ERC2: variants seen among roughly 807,000 people sequenced by gnomAD.
The protein encoded by ERC2 is ERC protein 2.
ERC2 carries 42 observed loss-of-function variants against 114.8 expected under a neutral mutation model. The ratio of observed to expected loss-of-function variants is 0.37; its 90% CI spans 0.29 to 0.47. ERC2 has a LOEUF of 0.47. Ranked by LOEUF, ERC2 falls within the 20% of genes least tolerant of loss-of-function variation. The pLI is 0.99. For missense variants in ERC2, 939 were observed against 1,150.7 expected (o/e 0.82, Z 2.66); for synonymous variants, 454 against 425.5 (o/e 1.07, Z -0.82).
Position 55,539,408 on chromosome 3 carries a change from T to C in ERC2, c.*40-28132A>G, listed in dbSNP as rs572772839. ...TTTTCTTTCTCTCTCTCTCTCTTTT[T>C]TTCTTTCTTTTTTTTTTTTTTTTTT... On this transcript the variant is annotated intron_variant, in intron 17 of 17. Transcript: ENST00000288221. Among the ~76,000 whole-genome samples, 8 of 129,346 alleles carry C rather than the reference T, an allele frequency of 6.2e-5. No individual in the cohort carries two copies. The East Asian group carries it at 1.4e-3, about 22-fold the overall frequency. 84.9% of individuals were successfully genotyped at this position (129,346 alleles called of 152,430 possible).
At chr3:55,775,588 G>A (rs2068542016) in intron 14 of ERC2, among the ~76,000 whole-genome samples, 2 of 119,966 alleles carry the variant, frequency 1.7e-5, no homozygotes, top group Non-Finnish European at 1.9e-5. Flanking sequence ...AAATAAAAAA[G>A]GAAAAAGTGA....
chr3:55,572,592 C>A (rs1434552365), intron 17 of ERC2, among the ~76,000 whole-genome samples: 2 of 152,204 alleles, frequency 1.3e-5, no homozygotes, highest in African/African-American at 4.8e-5. Flanking sequence ...TTCTTGACAG[C>A]CAAGTCTCAC....
chr3:55,960,959 AC>A (rs2068317929), intron 12 of ERC2, among the ~76,000 whole-genome samples: 1 of 152,068 alleles, frequency 6.6e-6, no homozygotes, highest in Non-Finnish European at 1.5e-5. Context: ...ACATGGCAAA[AC>A]CCCGTCTCTA....
chr3:55,902,796 C>T (rs2064209407), intron 13 of ERC2, among the ~76,000 whole-genome samples: 1 of 152,200 alleles, frequency 6.6e-6, no homozygotes, highest in Non-Finnish European at 1.5e-5. Context: ...CTCTGCTTCT[C>T]ACCTGGCTCC....
At chr3:56,164,617 G>A (rs2082229892) in intron 4 of ERC2, among the ~76,000 whole-genome samples, 1 of 152,030 alleles carries the variant, frequency 6.6e-6, no homozygotes, top group African/African-American at 2.4e-5. Context: ...ACCTACAAGT[G>A]AAATTTCTAG....
chr3:56,406,019 A>AGTGGCT (rs2060711604), intron 2 of ERC2, among the ~76,000 whole-genome samples: 4 of 146,372 alleles, frequency 2.7e-5, no homozygotes, highest in Non-Finnish European at 5.9e-5. Context: ...CAGCCACCCT[A>AGTGGCT]GTGGCTGAGA....
intron 3 of ERC2, among the ~76,000 whole-genome samples, chr3:56,250,909 G>A (rs547016683): frequency 1.3e-5 from 2 of 152,226 alleles, no homozygotes; most frequent in African/African-American, 4.8e-5. Flanking sequence ...TGATGAACCC[G>A]CAAACCAGCA....
At chr3:55,980,878 G>A (rs1293579127) in intron 12 of ERC2, among the ~76,000 whole-genome samples, 1 of 152,168 alleles carries the variant, frequency 6.6e-6, no homozygotes, top group African/African-American at 2.4e-5. Flanking sequence ...AGGAATCTCA[G>A]ACACACACTG....
intron 14 of ERC2, among the ~76,000 whole-genome samples, chr3:55,817,809 A>G (rs2059962910): frequency 6.6e-6 from 1 of 152,222 alleles, no homozygotes; most frequent in African/African-American, 2.4e-5. Context: ...TCTGAACAAT[A>G]TCTGGAACAC....
At chr3:56,123,348 C>A (rs1048437711) in intron 6 of ERC2, among the ~76,000 whole-genome samples, 4 of 151,960 alleles carry the variant, frequency 2.6e-5, no homozygotes, top group African/African-American at 7.3e-5. Flanking sequence ...GAGGACACAG[C>A]AAGAAGGTGC....
chr3:56,438,604 T>C (rs1238491025), intron 1 of ERC2, among the ~76,000 whole-genome samples: 2 of 152,240 alleles, frequency 1.3e-5, no homozygotes, highest in Non-Finnish European at 2.9e-5. Flanking sequence ...AACAGTTAAA[T>C]GAATGTATCT....
intron 17 of ERC2, among the ~76,000 whole-genome samples, chr3:55,675,903 C>CTTTTTTTTTT (rs869296098): frequency 0.014 from 672 of 47,998 alleles, 113 homozygotes; most frequent in East Asian, 0.017. Flanking sequence ...TCTTTTCTTT[C>CTTTTTTTTTT]TTTTTTTTTT....
At chr3:55,833,420 A>T (rs1389812176) in intron 14 of ERC2, among the ~76,000 whole-genome samples, 5 of 151,906 alleles carry the variant, frequency 3.3e-5, no homozygotes, top group Non-Finnish European at 7.3e-5. Flanking sequence ...CTCGGCAGAA[A>T]CTCTACAAGC....
intron 17 of ERC2, among the ~76,000 whole-genome samples, chr3:55,640,977 G>C (rs1345287545): frequency 6.6e-6 from 1 of 152,168 alleles, no homozygotes; most frequent in Non-Finnish European, 1.5e-5. Flanking sequence ...TTCATGGATA[G>C]GAACGCGACA....
chr3:56,435,733 C>A (rs76982895), intron 1 of ERC2, among the ~76,000 whole-genome samples: 2,436 of 152,334 alleles, frequency 0.016, 26 homozygotes, highest in Middle Eastern at 0.031. Context: ...TACCACCAAT[C>A]AACTGGTATT....
At chr3:55,550,941 G>A (rs1575557121) in intron 17 of ERC2, among the ~76,000 whole-genome samples, 1 of 151,032 alleles carries the variant, frequency 6.6e-6, no homozygotes, top group South Asian at 2.1e-4. Flanking sequence ...GCGTGAACCT[G>A]GGAGGCAGAT....
chr3:56,023,081 T>C (rs1576597330), intron 7 of ERC2, among the ~76,000 whole-genome samples: 1 of 152,290 alleles, frequency 6.6e-6, no homozygotes, highest in East Asian at 1.9e-4. Flanking sequence ...AAGCCTGAGA[T>C]GGGCCAATGT....
At chr3:55,532,567 G>A (rs999841557) in intron 17 of ERC2, among the ~76,000 whole-genome samples, 6 of 152,096 alleles carry the variant, frequency 3.9e-5, no homozygotes, top group African/African-American at 7.2e-5. Flanking sequence ...ATATATTAAC[G>A]CACTCAATTC....
At chr3:56,353,417 A>G (rs1440864455) in intron 2 of ERC2, among the ~76,000 whole-genome samples, 5 of 152,056 alleles carry the variant, frequency 3.3e-5, no homozygotes, top group African/African-American at 9.7e-5. Context: ...AATGTCCATC[A>G]GTGATACACT....
Sources: gnomAD v4.1 joint callset for allele counts (sites outside exome capture counted in the v4.1 genomes callset) on GRCh38, gnomAD v4.1.1 for gene constraint, MANE v1.5 for transcripts, NCBI Gene and HGNC (gene_info 2026-07-23, HGNC 2026-07-21) for gene names.